Variants in BANK1 observed in about 807,000 individuals in gnomAD.
BANK1 encodes the protein B-cell scaffold protein with ankyrin repeats.
BANK1 carries 95 observed loss-of-function variants against 94.5 expected under a neutral mutation model. The observed-to-expected ratio is 1.00, with a 90% CI of 0.85 to 1.19. The LOEUF (loss-of-function observed/expected upper bound fraction) is 1.19. Among genes scored for constraint, BANK1 ranks in the 50% most tolerant of loss-of-function variants. BANK1 has a pLI of 0.00. For synonymous variants in BANK1, 334 were observed against 308.4 expected (o/e 1.08, Z -0.87); for missense variants, 987 against 932.2 (o/e 1.06, Z -0.77).
chr4:101,828,885 CAG>C (rs1238470154), intron 1 of BANK1, among the ~76,000 whole-genome samples: 3 of 151,016 alleles, frequency 2.0e-5, no homozygotes, highest in Non-Finnish European at 4.4e-5. Context: ...TTTTTTGAGA[CAG>C]AGTCTCACTC....
Position 101,862,653 on chromosome 4 carries a change from T to C in BANK1, c.752T>C (p.Met251Thr), listed in dbSNP as rs753013994. Reference protein sequence around the residue: ...PALWNKKVWCMKALEFPAGSV... With the variant: ...PALWNKKVWCTKALEFPAGSV... ...CTTTGGAATAAGAAAGTCTGGTGCA[T>C]GAAAGCTTTAGGTAAGAATGTTTAT... The change falls in exon 4 of 17, where the codon ATG becomes ACG. Residue 251 changes from methionine to threonine, a missense_variant. Met to Thr is a moderately conservative substitution (Grantham distance 81). Transcript: ENST00000322953. The C allele has an allele frequency of 6.7e-5, 108 of 1,602,942 alleles. No individual in the cohort carries two copies. The highest frequency in any genetic ancestry group is 7.9e-5 in the Non-Finnish European group (93 of 1,175,900).
intron 2 of BANK1, among the ~76,000 whole-genome samples, chr4:101,844,602 C>T (rs1235753771): frequency 6.6e-6 from 1 of 152,198 alleles, no homozygotes; most frequent in Admixed American, 6.5e-5. Flanking sequence ...GGTTTGGAGT[C>T]AGACAGACCT....
intron 7 of BANK1, among the ~76,000 whole-genome samples, chr4:101,932,793 A>T (rs1341452770): frequency 6.6e-6 from 1 of 151,546 alleles, no homozygotes; most frequent in Non-Finnish European, 1.5e-5. Flanking sequence ...TCTTTTCAAC[A>T]AACCAACCTC....
At chr4:102,039,562 G>A (rs138708591) in intron 10 of BANK1, among the ~76,000 whole-genome samples, 5 of 152,192 alleles carry the variant, frequency 3.3e-5, no homozygotes, top group African/African-American at 1.2e-4. Flanking sequence ...AAGGCAGGGA[G>A]AATAGAGAGC....
intron 7 of BANK1, among the ~76,000 whole-genome samples, chr4:101,984,457 A>G (rs1725420249): frequency 6.6e-6 from 1 of 152,090 alleles, no homozygotes; most frequent in Admixed American, 6.6e-5. Flanking sequence ...CTATCCAGAA[A>G]ATAAGGATAT....
intron 1 of BANK1, among the ~76,000 whole-genome samples, chr4:101,812,072 ATGAATGATTATGGTAAGT>A (rs1725748263): frequency 6.6e-6 from 1 of 152,022 alleles, no homozygotes; most frequent in Non-Finnish European, 1.5e-5. Flanking sequence ...TATAATACTT[ATGAATGATTATGGTAAGT>A]TATCTTGTTG....
intron 6 of BANK1, among the ~76,000 whole-genome samples, chr4:101,901,824 A>G (rs375732938): frequency 6.6e-6 from 1 of 151,956 alleles, no homozygotes; most frequent in East Asian, 1.9e-4. Flanking sequence ...GCAGTGGTGC[A>G]ATCTCAGCTC....
At chr4:101,906,669 T>G (rs1218519099) in intron 6 of BANK1, among the ~76,000 whole-genome samples, 4 of 152,164 alleles carry the variant, frequency 2.6e-5, no homozygotes, top group African/African-American at 9.7e-5. Flanking sequence ...TGTGAAAAAG[T>G]TCCAAAGTGA....
intron 1 of BANK1, among the ~76,000 whole-genome samples, chr4:101,826,471 A>T (rs1409841467): frequency 1.3e-5 from 2 of 151,984 alleles, no homozygotes; most frequent in Admixed American, 6.6e-5. Flanking sequence ...AATTTATTTT[A>T]AATGCTTGAT....
chr4:101,847,198 AGTGTGT>A (rs10542109), intron 2 of BANK1, among the ~76,000 whole-genome samples: 43,135 of 147,624 alleles, frequency 0.29, 6,436 homozygotes, highest in Admixed American at 0.44. Flanking sequence ...GGGTTGGCAG[AGTGTGT>A]GTGTGTGTGT....
intron 11 of BANK1, 28 bp downstream of exon 11, chr4:102,043,935 G>A: frequency 1.5e-6 from 2 of 1,352,738 alleles, no homozygotes; most frequent in Non-Finnish European, 2.1e-6. Flanking sequence ...AATCTATTTA[G>A]TAATCTCTAG....
intron 2 of BANK1, among the ~76,000 whole-genome samples, chr4:101,834,985 G>T (rs7438361): frequency 6.6e-6 from 1 of 151,854 alleles, no homozygotes; most frequent in Admixed American, 6.6e-5. Flanking sequence ...TTCCTTTAAA[G>T]GAATTAAGAA....
At chr4:101,905,922 G>A (rs1188701778) in intron 6 of BANK1, among the ~76,000 whole-genome samples, 1 of 152,120 alleles carries the variant, frequency 6.6e-6, no homozygotes, top group Non-Finnish European at 1.5e-5. Context: ...AGCACTAAAG[G>A]AAGGGTATTG....
At chr4:101,954,121 A>G (rs545888112) in intron 7 of BANK1, among the ~76,000 whole-genome samples, 1 of 152,058 alleles carries the variant, frequency 6.6e-6, no homozygotes, top group Non-Finnish European at 1.5e-5. Flanking sequence ...CGGTCTTCAC[A>G]ATATGTTTTC....
chr4:101,980,632 A>C (rs948325980), intron 7 of BANK1, among the ~76,000 whole-genome samples: 2 of 151,956 alleles, frequency 1.3e-5, no homozygotes, highest in African/African-American at 4.8e-5. Flanking sequence ...GAAAAATAAA[A>C]TGTTACTGGG....
chr4:101,951,266 G>T lies in BANK1; in HGVS notation c.1206+33077G>T, dbSNP rs188800615. 7.4e-3 allele frequency among the ~76,000 whole-genome samples: 1,122 copies of T among 152,096 alleles called. 10 individuals are homozygous for T. Among genetic ancestry groups the T allele is most frequent in the African/African-American group, 0.025 (1,053 of 41,518 alleles). ...TCTTAAATTAGTCTAAAATTAAAAG[G>T]TTATTTTTAAAAACCTAATCTAACT... On this transcript the variant is annotated intron_variant, in intron 7 of 16. Coordinates refer to ENST00000322953, the MANE Select transcript of BANK1 (RefSeq NM_017935.5).
In BANK1 at chr4:101,910,978, C is replaced by T. The variant is rs996615186; in HGVS notation, c.1010-7015C>T. Among the ~76,000 whole-genome samples, 4 of 152,290 alleles carry T rather than the reference C, an allele frequency of 2.6e-5. No individual in the cohort carries two copies. The East Asian group carries it at 5.8e-4, about 22-fold the overall frequency. ...TGCCATGAATACAGTGTGTGCACTA[C>T]ACATAGTACTTAACATGCGTTTTGC... On this transcript the variant is annotated intron_variant, in intron 6 of 16. Transcript: ENST00000322953.
At chr4:101,816,257 G>C (rs534412991) in intron 1 of BANK1, among the ~76,000 whole-genome samples, 1 of 152,256 alleles carries the variant, frequency 6.6e-6, no homozygotes, top group East Asian at 1.9e-4. Flanking sequence ...TGTCACAAAA[G>C]GCATAGGCTC....
At chr4:102,025,002 G>C (rs1199176175) in intron 8 of BANK1, among the ~76,000 whole-genome samples, 199 bp from the exon 9 acceptor site, 5 of 152,140 alleles carry the variant, frequency 3.3e-5, no homozygotes, top group African/African-American at 1.2e-4. Flanking sequence ...ATGGAGCTTT[G>C]ACTGTTCATT....
Sources: allele counts gnomAD v4.1 joint callset (sites outside exome capture counted in the v4.1 genomes callset), GRCh38; gene constraint gnomAD v4.1.1; transcripts MANE v1.5; gene names NCBI Gene and HGNC (gene_info 2026-07-23, HGNC 2026-07-21).